ACACA: variants seen among roughly 807,000 people sequenced by gnomAD.
The protein encoded by ACACA is acetyl-CoA carboxylase alpha.
A neutral mutation model predicts 296.1 loss-of-function variants in ACACA; 103 were observed. The observed-to-expected ratio is 0.35, with a 90% CI of 0.30 to 0.41. ACACA has a LOEUF of 0.41. Among genes scored for constraint, ACACA ranks in the 10% least tolerant of loss-of-function variants. ACACA has a pLI of 1.00. For synonymous variants in ACACA, 953 were observed against 1,038.6 expected (o/e 0.92, Z 1.58); for missense variants, 1,554 against 2,989.7 (o/e 0.52, Z 11.20).
intron 41 of ACACA, among the ~76,000 whole-genome samples, chr17:37,175,885 TAGAA>T (rs2077094256): frequency 6.6e-6 from 1 of 152,156 alleles, no homozygotes; most frequent in Admixed American, 6.5e-5. Context: ...ACTAGGAAAA[TAGAA>T]AGGAGACAGT....
rs2072154768 is a variant in ACACA, at chr17:37,085,705, C to G, written c.*1611G>C. 1 of 399,228 alleles carries G rather than the reference C, an allele frequency of 2.5e-6. No individual in the cohort carries two copies. Among genetic ancestry groups the G allele is most frequent in the Non-Finnish European group, 4.4e-6 (1 of 226,210 alleles). 24.7% of individuals were successfully genotyped at this position (399,228 alleles called of 1,614,324 possible). ...CCATACCCAGCCATACAGTGCCCAC[C>G]TGCAACCCAGAACCATTGAAAAGTC... On this transcript the variant is annotated 3_prime_UTR_variant, in exon 56 of 56. Transcript: ENST00000616317.
chr17:37,319,441 G>A (rs965738954), intron 3 of ACACA, among the ~76,000 whole-genome samples: 1 of 152,044 alleles, frequency 6.6e-6, no homozygotes, highest in Non-Finnish European at 1.5e-5. Flanking sequence ...GTAACCTTTG[G>A]GTGGCAAATA....
chr17:37,151,418 G>A lies in ACACA; in HGVS notation c.5451C>T (p.Tyr1817=). The A allele has an allele frequency of 6.2e-7, 1 of 1,613,606 alleles. No homozygotes were observed. The highest frequency in any genetic ancestry group is 8.5e-7 in the Non-Finnish European group (1 of 1,179,860). Residue 1817 remains tyrosine (Y), a synonymous_variant, in exon 44 of 56, where the codon TAC becomes TAT. Transcript: ENST00000616317. ...CTTTCCCAATAATATCTGTTATCTTGTACCTATTGGATATGGCCATGTCAA... is the reference window on the plus strand; with the variant it reads ...CTTTCCCAATAATATCTGTTATCTTATACCTATTGGATATGGCCATGTCAA... The part of the protein sequence containing the change: ...EHVEDEGESR[Y]KITDIIGKEE...
chr17:37,216,125 A>AACAC (rs745794412), intron 29 of ACACA, among the ~76,000 whole-genome samples: 15,856 of 124,328 alleles, frequency 0.13, 952 homozygotes, highest in East Asian at 0.23. Context: ...TAAAAAAGGA[A>AACAC]ACACACACAC....
intron 1 of ACACA, among the ~76,000 whole-genome samples, chr17:37,360,583 G>A (rs2147601885): frequency 6.6e-6 from 1 of 152,252 alleles, no homozygotes; most frequent in Middle Eastern, 3.4e-3. Context: ...ATGGCTTGAG[G>A]CGAGGAGTTC....
intron 52 of ACACA, among the ~76,000 whole-genome samples, chr17:37,111,256 A>C (rs540227292): frequency 5.9e-5 from 9 of 152,244 alleles, no homozygotes; most frequent in Admixed American, 2.0e-4. Flanking sequence ...CTAGCTAATC[A>C]TTCTCTACAA....
At chr17:37,174,189 A>G (rs565525655) in intron 41 of ACACA, among the ~76,000 whole-genome samples, 88 of 149,466 alleles carry the variant, frequency 5.9e-4, no homozygotes, top group Non-Finnish European at 1.2e-3. Context: ...TTTAATTTAC[A>G]CTACTTTATT....
chr17:37,166,381 C>G (rs2076669643), intron 41 of ACACA, among the ~76,000 whole-genome samples: 1 of 152,090 alleles, frequency 6.6e-6, no homozygotes, highest in African/African-American at 2.4e-5. Context: ...TCAAGTGATC[C>G]TCCTGTCTCG....
At chr17:37,339,265 CAA>C (rs929405883) in intron 2 of ACACA, among the ~76,000 whole-genome samples, 2 of 152,210 alleles carry the variant, frequency 1.3e-5, no homozygotes, top group African/African-American at 4.8e-5. Flanking sequence ...TGACCACACA[CAA>C]AAGAGAAAAT....
At chr17:37,204,988 T>C (rs2078431528) in intron 33 of ACACA, among the ~76,000 whole-genome samples, 1 of 152,210 alleles carries the variant, frequency 6.6e-6, no homozygotes, top group Non-Finnish European at 1.5e-5. Flanking sequence ...CAAGTAAGCC[T>C]GCTGCAGTGT....
At chr17:37,148,456 C>T (rs962655232) in intron 45 of ACACA, among the ~76,000 whole-genome samples, 1 of 152,198 alleles carries the variant, frequency 6.6e-6, no homozygotes, top group Non-Finnish European at 1.5e-5. Flanking sequence ...AAGCTGATCG[C>T]ATCAAATGAT....
chr17:37,259,457 C>T lies in ACACA; in HGVS notation c.1403G>A (p.Gly468Asp), dbSNP rs1278077744. Reference protein sequence around the residue: ...GTVEYLYSQDGSFYFLELNPR... With the variant: ...GTVEYLYSQDDSFYFLELNPR... ...ATTCAATTCCAGAAAGTAGAAGCTG[C>T]CATCCTGGCTGTACAGGTATTCCAC... The change falls in exon 12 of 56, where the codon GGC becomes GAC. Residue 468 changes from glycine (G) to aspartate (D), a missense_variant. Around this residue, in one of 16 missense-constraint regions of ACACA, gnomAD observed 82 missense variants for 185.2 expected, o/e 0.44. Transcript: ENST00000616317. The T allele has an allele frequency of 4.3e-6, 7 of 1,614,066 alleles. No individual in the cohort carries two copies. Among genetic ancestry groups the T allele is most frequent in the Non-Finnish European group, 5.9e-6 (7 of 1,180,040 alleles).
At chr17:37,131,592 C>G (rs1338363030) in intron 45 of ACACA, among the ~76,000 whole-genome samples, 1 of 152,184 alleles carries the variant, frequency 6.6e-6, no homozygotes, top group Non-Finnish European at 1.5e-5. Flanking sequence ...TAAGGGCCAG[C>G]AAAGTCTGCC....
intron 1 of ACACA, among the ~76,000 whole-genome samples, chr17:37,382,928 T>C (rs1217390152): frequency 1.3e-5 from 2 of 152,024 alleles, no homozygotes; most frequent in Non-Finnish European, 2.9e-5. Flanking sequence ...TCCCAGCTAC[T>C]CGGGAGGCTG....
chr17:37,224,990 A>G lies in ACACA; in HGVS notation c.3474+2T>C. 1 of 1,362,136 alleles carries G rather than the reference A, an allele frequency of 7.3e-7. No individual in the cohort carries two copies. Among genetic ancestry groups the G allele is most frequent in the Non-Finnish European group, 1.0e-6 (1 of 952,986 alleles). 84.4% of individuals were successfully genotyped at this position (1,362,136 alleles called of 1,614,324 possible). A position where few individuals can be genotyped will look rare whatever the true frequency, so the allele number is the denominator to read the frequency against. ...GTTATATATATATATATATATATAT[A>G]CCTGCAGGTTCTCAATGCAAAATTG... is the stretch of plus-strand genomic sequence containing the variant. On this transcript the variant is annotated splice_donor_variant, in intron 27 of 55. Coordinates refer to ENST00000616317, the MANE Select transcript of ACACA (RefSeq NM_198834.3). LOFTEE classifies it high-confidence loss of function.
At chr17:37,233,971 G>C (rs2079986168) in intron 25 of ACACA, among the ~76,000 whole-genome samples, 1 of 152,148 alleles carries the variant, frequency 6.6e-6, no homozygotes, top group Admixed American at 6.5e-5. Context: ...GAGTTAACCA[G>C]CTAGGCATAT....
Position 37,174,020 on chromosome 17 carries a change from A to ATTTTTTTTT in ACACA, c.5079+5231_5079+5239dup, listed in dbSNP as rs71159693. Among the ~76,000 whole-genome samples, 44 of 16,794 alleles carry ATTTTTTTTT rather than the reference A, an allele frequency of 2.6e-3. 3 individuals are homozygous for ATTTTTTTTT. The highest frequency in any genetic ancestry group is 7.4e-3 in the African/African-American group (29 of 3,916). The allele number at this position is 16,794 out of a possible 152,430, so 11.0% of individuals were successfully genotyped here. A position where few individuals can be genotyped will look rare whatever the true frequency, so the allele number is the denominator to read the frequency against. On this transcript the variant is annotated intron_variant, in intron 41 of 55. Coordinates refer to ENST00000616317, the MANE Select transcript of ACACA (RefSeq NM_198834.3). ...TATATATATATATATATATATATATATTTTTTTTTTTTTTTTTTTTTGTAG... is the reference window on the plus strand; with the variant it reads ...TATATATATATATATATATATATATATTTTTTTTTTTTTTTTTTTTTTTTTTTTTTGTAG...
rs1264285347 is a variant in ACACA at position 37,179,440 on chromosome 17, C to T, written c.4933-34G>A. On this transcript the variant is annotated intron_variant, in intron 40 of 55. Coordinates refer to ENST00000616317, the MANE Select transcript of ACACA (RefSeq NM_198834.3). ...GAAAAGAAGTTTGACTAATCAGTCA[C>T]AATAATTTCAATATAGACAAAAATA... is the stretch of plus-strand genomic sequence containing the variant. 8.1e-6 allele frequency: 13 copies of T among 1,605,992 alleles called. No homozygotes were observed. In the East Asian group the frequency reaches 2.9e-4, roughly 36 times the overall value.
chr17:37,324,273 G>A (rs1357188994), intron 3 of ACACA, among the ~76,000 whole-genome samples: 1 of 152,100 alleles, frequency 6.6e-6, no homozygotes, highest in African/African-American at 2.4e-5. Context: ...GGCTGAGGCA[G>A]GAGAATCACA....
Sources: allele counts gnomAD v4.1 joint callset (sites outside exome capture counted in the v4.1 genomes callset), GRCh38; gene constraint gnomAD v4.1.1; regional missense constraint gnomAD v4.1.1; transcripts MANE v1.5; gene names NCBI Gene and HGNC (gene_info 2026-07-23, HGNC 2026-07-21).